The following KIAA0319L variants were observed in gnomAD, a reference collection of about 807,000 sequenced individuals.
The protein encoded by KIAA0319L is KIAA0319 like, also known as dyslexia-associated protein KIAA0319-like protein.
KIAA0319L carries 55 observed loss-of-function variants against 120.1 expected under a neutral mutation model. The ratio of observed to expected loss-of-function variants is 0.46; its 90% confidence interval spans 0.37 to 0.57. The LOEUF is 0.57. Among genes scored for constraint, KIAA0319L ranks in the 20% least tolerant of loss-of-function variants. KIAA0319L has a pLI of 0.00. For synonymous variants in KIAA0319L, 398 were observed against 471.9 expected (o/e 0.84, Z 2.03); for missense variants, 1,049 against 1,255.3 (o/e 0.84, Z 2.48).
At position 35,527,034 on chromosome 1, in the gene KIAA0319L, C is replaced by A. The variant is rs190399990; in HGVS notation, c.143-19899G>T. Among the ~76,000 whole-genome samples the A allele has an allele frequency of 1.1e-3, 170 of 152,264 alleles. 1 individual carries two copies. Among genetic ancestry groups the A allele is most frequent in the African/African-American group, 3.9e-3 (163 of 41,536 alleles). On this transcript the variant is annotated intron_variant, in intron 2 of 20. Transcript: ENST00000325722. The stretch of plus-strand genomic sequence containing the variant: ...TTGAGGCTGTTCCTTCTATGCCTAA[C>A]TTGTTGGGCATTTTTATCATGAAGG...
intron 5 of KIAA0319L, 64 bp from the exon 6 acceptor site, chr1:35,471,024 T>C: frequency 1.1e-6 from 1 of 907,988 alleles, no homozygotes. Flanking sequence ...GACAGCCACA[T>C]AGCCTGCCAA....
chr1:35,534,858 CAA>C (rs779838672), intron 2 of KIAA0319L, among the ~76,000 whole-genome samples: 4,812 of 42,304 alleles, frequency 0.11, 196 homozygotes, highest in African/African-American at 0.27. Context: ...GACTCCGTCT[CAA>C]AAAAAAAAAA....
intron 15 of KIAA0319L, 131 bp from the exon 16 acceptor site, chr1:35,448,463 A>C: frequency 1.1e-6 from 1 of 906,156 alleles, no homozygotes. Flanking sequence ...GGAAAGGGAC[A>C]ATAGTGAATT....
In KIAA0319L at chr1:35,456,119, T is replaced by C; in HGVS notation, c.1550A>G (p.Gln517Arg). The change falls in exon 10 of 21, where the codon CAA becomes CGA. Residue 517 changes from glutamine to arginine, a missense_variant. Coordinates refer to ENST00000325722, the MANE Select transcript of KIAA0319L (RefSeq NM_024874.5). ...AGPNQVITLP[Q>R]NSITLFGNQS... The stretch of plus-strand genomic sequence containing the variant: ...GTTCCCAAAGAGGGTGATGGAGTTT[T>C]GGGGCAGGGTGATCACTTGGTTGGG... 3 of 1,613,996 alleles carry C rather than the reference T, an allele frequency of 1.9e-6. No individual in the cohort carries two copies. The highest frequency in any genetic ancestry group is 2.5e-6 in the Non-Finnish European group (3 of 1,179,982).
intron 2 of KIAA0319L, among the ~76,000 whole-genome samples, chr1:35,516,333 A>T (rs1261806328): frequency 2.6e-5 from 4 of 152,232 alleles, no homozygotes; most frequent in African/African-American, 4.8e-5. Flanking sequence ...CCAGCAGCAC[A>T]TCAAAAAGCT....
intron 14 of KIAA0319L, 35 bp downstream of exon 14, chr1:35,450,323 C>G (rs902373481): frequency 6.3e-7 from 1 of 1,597,690 alleles, no homozygotes; most frequent in African/African-American, 1.3e-5. Context: ...CTCCTCCCCA[C>G]TCCTGTGTAG....
chr1:35,439,119 A>G (rs1030962527), intron 20 of KIAA0319L: 2 of 152,222 alleles, frequency 1.3e-5, no homozygotes, highest in African/African-American at 4.8e-5. Context: ...CTGCTCATCC[A>G]TTGAGCCTTG....
In KIAA0319L at chr1:35,448,184, G is replaced by C; in HGVS notation, c.2502C>G (p.Tyr834Ter). Residue 834 changes from tyrosine to a stop codon, truncating the protein, a stop_gained, in exon 16 of 21, where the codon TAC becomes TAG. Coordinates refer to ENST00000325722, the MANE Select transcript of KIAA0319L (RefSeq NM_024874.5). LOFTEE classifies it high-confidence loss of function. ...SDIIVQKIQPYTEQSTKMVFF... is the reference protein window; with the variant it reads ...SDIIVQKIQP ...CATTGCCCAGCTACCTCTGCTCCGT[G>C]TACGGCTGAATCTTTTGCACAATGA... 1 of 1,613,176 alleles carries C rather than the reference G, an allele frequency of 6.2e-7. No homozygotes were observed. Among genetic ancestry groups the C allele is most frequent in the Non-Finnish European group, 8.5e-7 (1 of 1,179,556 alleles).
intron 19 of KIAA0319L, among the ~76,000 whole-genome samples, chr1:35,441,882 G>A (rs558379223): frequency 4.4e-4 from 67 of 152,176 alleles, no homozygotes; most frequent in Non-Finnish European, 6.9e-4. Flanking sequence ...TTAAAAACTC[G>A]CGGGCTATGC....
chr1:35,510,379 CTTTTTTTT>C (rs1045797495), intron 2 of KIAA0319L: 1 of 136,090 alleles, frequency 7.3e-6, no homozygotes, highest in African/African-American at 2.7e-5. Context: ...ACAGCCCTTT[CTTTTTTTT>C]TTTTTTTTTG....
At chr1:35,522,743 C>G (rs766991989) in intron 2 of KIAA0319L, among the ~76,000 whole-genome samples, 1 of 151,594 alleles carries the variant, frequency 6.6e-6, no homozygotes, top group East Asian at 1.9e-4. Flanking sequence ...ATGGGCCGGG[C>G]GCGGGGGCTC....
chr1:35,499,707 A>G lies in KIAA0319L; in HGVS notation c.666+6905T>C, dbSNP rs74643500. ...GGAGAAAATGGGTAGCTATGAAGGG[A>G]AAAAAAAATAAGGAAAGGGTGTTGT... On this transcript the variant is annotated intron_variant, in intron 3 of 20. Transcript: ENST00000325722. 6.1e-5 allele frequency among the ~76,000 whole-genome samples: 9 copies of G among 148,706 alleles called. No individual in the cohort carries two copies. The East Asian group carries it at 1.5e-3, about 26-fold the overall frequency.
chr1:35,506,535 C>A lies in KIAA0319L; in HGVS notation c.666+77G>T. ...GCCTATGAGCACTGCCCGCAAGCAT[C>A]AGCTTCATTGCTCATATATACCAAA... On this transcript the variant is annotated intron_variant, in intron 3 of 20. Transcript: ENST00000325722. This position sits in a 1 kb window ranked among gnomAD's most constrained non-coding sequence, Gnocchi z 4.0. 1 of 1,390,678 alleles carries A rather than the reference C, an allele frequency of 7.2e-7. No homozygotes were observed. The highest frequency in any genetic ancestry group is 9.9e-7 in the Non-Finnish European group (1 of 1,012,454). 86.1% of individuals were successfully genotyped at this position (1,390,678 alleles called of 1,614,324 possible). A position where few individuals can be genotyped will look rare whatever the true frequency, so the allele number is the denominator to read the frequency against.
intron 7 of KIAA0319L, among the ~76,000 whole-genome samples, chr1:35,463,634 G>T (rs1643052530): frequency 6.6e-6 from 1 of 152,152 alleles, no homozygotes; most frequent in African/African-American, 2.4e-5. Flanking sequence ...TTTTTAAGAA[G>T]GTGAAAGGAT....
At position 35,494,647 on chromosome 1, in the gene KIAA0319L, A is replaced by G. The variant is rs184189617; in HGVS notation, c.666+11965T>C. Reference sequence around the variant, plus strand: ...CCATCTCCGCTAAAATAACAAAGGGAAAAAAAAAAAACAAACTAGCAGGCA... The same window carrying G: ...CCATCTCCGCTAAAATAACAAAGGGGAAAAAAAAAAACAAACTAGCAGGCA... On this transcript the variant is annotated intron_variant, in intron 3 of 20. Coordinates refer to ENST00000325722, the MANE Select transcript of KIAA0319L (RefSeq NM_024874.5). 7.8e-3 allele frequency among the ~76,000 whole-genome samples: 1,104 copies of G among 142,416 alleles called. 3 individuals are homozygous for G. Among genetic ancestry groups the G allele is most frequent in the Admixed American group, 0.013 (188 of 14,202 alleles). The allele number at this position is 142,416 out of a possible 152,430, so 93.4% of individuals were successfully genotyped here.
intron 2 of KIAA0319L, among the ~76,000 whole-genome samples, chr1:35,553,441 GACA>G (rs1229236066): frequency 6.6e-6 from 1 of 150,868 alleles, no homozygotes; most frequent in African/African-American, 2.4e-5. Context: ...ATCACTGCAA[GACA>G]ACAAAAACCC....
At chr1:35,544,449 A>T (rs557556628) in intron 2 of KIAA0319L, among the ~76,000 whole-genome samples, 3 of 152,218 alleles carry the variant, frequency 2.0e-5, no homozygotes, top group South Asian at 4.1e-4. Flanking sequence ...CAATCAGAAA[A>T]ATCACTCTGC....
At chr1:35,458,127 G>A (rs538688373) in intron 9 of KIAA0319L, among the ~76,000 whole-genome samples, 52 of 152,112 alleles carry the variant, frequency 3.4e-4, no homozygotes, top group African/African-American at 1.1e-3. Context: ...TAGTAGAGAC[G>A]GGGTTTCACC....
intron 2 of KIAA0319L, among the ~76,000 whole-genome samples, chr1:35,551,340 T>C (rs1647190458): frequency 6.6e-6 from 1 of 152,118 alleles, no homozygotes; most frequent in African/African-American, 2.4e-5. Context: ...TCCTTTCAGA[T>C]GGAGTCTCGC....
Sources: gnomAD v4.1 joint callset for allele counts (sites outside exome capture counted in the v4.1 genomes callset) on GRCh38, gnomAD v4.1.1 for gene constraint, Gnocchi (gnomAD v3.1) non-coding constraint, MANE v1.5 for transcripts, NCBI Gene and HGNC (gene_info 2026-07-23, HGNC 2026-07-21) for gene names.